Variants in FAT1 observed in about 807,000 individuals in gnomAD.
The protein encoded by FAT1 is FAT atypical cadherin 1.
In FAT1, 171 loss-of-function variants were observed where a neutral mutation model predicts 329.8. The observed-to-expected ratio is 0.52, with a 90% CI of 0.46 to 0.59. The LOEUF is 0.59. Among genes scored for constraint, FAT1 ranks in the 20% least tolerant of loss-of-function variants. The pLI is 0.00. For missense variants in FAT1, 5,672 were observed against 5,774.4 expected, an observed-to-expected ratio of 0.98 and a Z score of 0.57; for synonymous variants, 2,233 against 2,228.6, an observed-to-expected ratio of 1.00 and a Z score of -0.06.
intron 2 of FAT1, among the ~76,000 whole-genome samples, chr4:186,684,429 C>A (rs890825185): frequency 4.6e-5 from 7 of 152,112 alleles, no homozygotes; most frequent in Non-Finnish European, 8.8e-5. Flanking sequence ...GATTTCCTGT[C>A]GGCTCTCGTA....
chr4:186,600,286 C>T lies in FAT1; in HGVS notation c.11715G>A (p.Gln3905=), dbSNP rs751060039. The T allele has an allele frequency of 9.9e-6, 16 of 1,613,680 alleles. No homozygotes were observed. The African/African-American group carries it at 2.1e-4, about 22-fold the overall frequency. The change falls in exon 22 of 27, where the codon CAG becomes CAA. Residue 3905 remains glutamine, a synonymous_variant. Coordinates refer to ENST00000441802, the MANE Select transcript of FAT1 (RefSeq NM_005245.4). ...CTGCGTGCCACTGCCCATCATTGACCTGAATGCTCTGAACAGAGACAATTC... is the reference window on the plus strand; with the variant it reads ...CTGCGTGCCACTGCCCATCATTGACTTGAATGCTCTGAACAGAGACAATTC... ...GPGIVSVQSI[Q]VNDGQWHAVA... is the part of the protein sequence containing the mutation.
chr4:186,613,079 G>A (rs2126473840), intron 13 of FAT1, 30 bp downstream of exon 13: 2 of 1,494,628 alleles, frequency 1.3e-6, no homozygotes, highest in Non-Finnish European at 1.8e-6. Context: ...TCAGTGAGCA[G>A]CGTCAGGCAA....
chr4:186,665,435 C>T (rs1167063031), intron 2 of FAT1, among the ~76,000 whole-genome samples: 1 of 150,818 alleles, frequency 6.6e-6, no homozygotes, highest in Non-Finnish European at 1.5e-5. Context: ...TTGCATTTCT[C>T]TGATGGCCAG....
Position 186,618,440 on chromosome 4 carries a change from C to T in FAT1, c.8146G>A (p.Val2716Met), listed in dbSNP as rs377032665. 32 of 1,613,912 alleles carry T rather than the reference C, an allele frequency of 2.0e-5. No individual in the cohort carries two copies. In the African/African-American group the frequency reaches 2.0e-4, roughly 10 times the overall value. Reference protein sequence around the residue: ...PFYTFTVSEDVPIGTEIDLIR... With the variant: ...PFYTFTVSEDMPIGTEIDLIR... ...AGATCTATCTCTGTTCCAATAGGCA[C>T]GTCCTCTGACACTGTAAAGGTATAG... The change falls in exon 10 of 27, where the codon GTG becomes ATG. Residue 2716 changes from valine (V) to methionine (M), a missense_variant. This residue lies in a region of FAT1 where 3,966 missense variants were observed against 3,915.2 expected (regional missense o/e 1.01). Coordinates refer to ENST00000441802, the MANE Select transcript of FAT1 (RefSeq NM_005245.4).
At chr4:186,598,343 A>C (rs1738638937) in intron 22 of FAT1, among the ~76,000 whole-genome samples, 1 of 152,232 alleles carries the variant, frequency 6.6e-6, no homozygotes, top group African/African-American at 2.4e-5. Context: ...GCTTTAGTTC[A>C]TCATAATCTG....
At position 186,709,187 on chromosome 4, in the gene FAT1, T is replaced by C; in HGVS notation, c.641A>G (p.Glu214Gly). The C allele has an allele frequency of 1.2e-6, 2 of 1,614,020 alleles. No individual in the cohort carries two copies. Among genetic ancestry groups the C allele is most frequent in the South Asian group, 1.1e-5 (1 of 91,086 alleles). ...GATTTCCATCTCATAGAGCTTGGTC[T>C]CTAGGTAATCAAGTCTACCAGTTAA... ...IVLTGRLDYLETKLYEMEILA... is the reference protein window; with the variant it reads ...IVLTGRLDYLGTKLYEMEILA... Residue 214 changes from glutamate (E) to glycine (G), a missense_variant, in exon 2 of 27, where the codon GAG becomes GGG. Glu to Gly is a moderately conservative substitution (Grantham distance 98, BLOSUM62 -2). Coordinates refer to ENST00000441802, the MANE Select transcript of FAT1 (RefSeq NM_005245.4).
chr4:186,645,873 G>A (rs1196900921), intron 3 of FAT1, among the ~76,000 whole-genome samples: 1 of 149,606 alleles, frequency 6.7e-6, no homozygotes, highest in Non-Finnish European at 1.5e-5. Flanking sequence ...TTGGACCTGG[G>A]AAGCCGAGGT....
intron 3 of FAT1, among the ~76,000 whole-genome samples, chr4:186,646,962 T>A (rs1741415380): frequency 1.3e-5 from 2 of 152,156 alleles, no homozygotes; most frequent in Non-Finnish European, 2.9e-5. Context: ...TTTTTGCTTC[T>A]TTTTCCTAAG....
In FAT1 at chr4:186,603,594, C is replaced by T. The variant is rs145300656; in HGVS notation, c.10932G>A (p.Ala3644=). 98 of 1,613,990 alleles carry T rather than the reference C, an allele frequency of 6.1e-5. No homozygotes were observed. The Middle Eastern group carries it at 8.2e-4, about 14-fold the overall frequency. ...VTQEMLNHTI[A]IRFANLTPEE... ...CCGGAGTGAGGTTGGCAAAGCGGAT[C>T]GCGATGGTGTGGTTCAACATCTCCT... Residue 3644 remains alanine, a synonymous_variant, in exon 19 of 27, where the codon GCG becomes GCA. Coordinates refer to ENST00000441802, the MANE Select transcript of FAT1 (RefSeq NM_005245.4).
rs2126507215 is a variant in FAT1 at position 186,619,599 on chromosome 4, A to G, written c.6987T>C (p.Ser2329=). Residue 2329 remains serine (S), a synonymous_variant, in exon 10 of 27, where the codon AGT becomes AGC. Transcript: ENST00000441802. ...SYQMFGNHSK[S]HDHFHVDSST... is the part of the protein sequence containing the mutation. The stretch of plus-strand genomic sequence containing the variant: ...TGCTGTCTACATGAAAATGATCATG[A>G]CTCTTGCTGTGATTCCCAAACATCT... 6.2e-7 allele frequency: 1 copy of G among 1,613,666 alleles called. No individual in the cohort carries two copies. Among genetic ancestry groups the G allele is most frequent in the South Asian group, 1.1e-5 (1 of 91,064 alleles).
Position 186,595,830 on chromosome 4 carries a change from AAAGG to A in FAT1, c.13001-8_13001-5del, listed in dbSNP as rs765367010. ...GGATCAAGATCCACCACTTTTGCTAAAAGGAAGGATGACAAACAGTAAGTATATG... is the reference window on the plus strand; with the variant it reads ...GGATCAAGATCCACCACTTTTGCTAAAAGGATGACAAACAGTAAGTATATG... On this transcript the variant is annotated splice_polypyrimidine_tract_variant and splice_region_variant and intron_variant, in intron 25 of 26. Transcript: ENST00000441802. The A allele has an allele frequency of 5.6e-6, 9 of 1,613,760 alleles. No individual in the cohort carries two copies. In the African/African-American group the frequency reaches 9.3e-5, roughly 17 times the overall value.
intron 16 of FAT1, among the ~76,000 whole-genome samples, chr4:186,607,175 T>C (rs1308262305): frequency 6.6e-6 from 1 of 152,234 alleles, no homozygotes; most frequent in Non-Finnish European, 1.5e-5. Flanking sequence ...CCTTTAATCT[T>C]AGATACACCC....
chr4:186,685,202 G>T (rs1376924346), intron 2 of FAT1, among the ~76,000 whole-genome samples: 1 of 152,162 alleles, frequency 6.6e-6, no homozygotes, highest in Non-Finnish European at 1.5e-5. Context: ...AAAGGCAAAG[G>T]CTCTTCTCAC....
intron 2 of FAT1, among the ~76,000 whole-genome samples, chr4:186,684,529 C>T (rs186376065): frequency 5.9e-5 from 9 of 152,254 alleles, no homozygotes; most frequent in East Asian, 1.9e-4. Flanking sequence ...AACTGACGCT[C>T]GGCCCGTTTT....
chr4:186,689,933 T>C (rs1743673753), intron 2 of FAT1, among the ~76,000 whole-genome samples: 1 of 152,192 alleles, frequency 6.6e-6, no homozygotes, highest in Non-Finnish European at 1.5e-5. Context: ...TTAGAAGATC[T>C]CATACCTACT....
chr4:186,650,068 G>A (rs923048463), intron 3 of FAT1, among the ~76,000 whole-genome samples: 5 of 152,022 alleles, frequency 3.3e-5, no homozygotes, highest in East Asian at 1.9e-4. Flanking sequence ...CTCTACACAC[G>A]AGACAAAAAG....
intron 12 of FAT1, 99 bp from the exon 13 acceptor site, chr4:186,613,441 A>G: frequency 1.2e-6 from 1 of 860,684 alleles, no homozygotes; most frequent in Non-Finnish European, 1.9e-6. Context: ...ACTTAGTCTG[A>G]GTATTCACAG....
chr4:186,709,558 G>A lies in FAT1; in HGVS notation c.270C>T (p.Leu90=), dbSNP rs373265178. 8.7e-6 allele frequency: 14 copies of A among 1,613,822 alleles called. No individual in the cohort carries two copies. Among genetic ancestry groups the A allele is most frequent in the African/African-American group, 5.3e-5 (4 of 74,902 alleles). ...TTATTCTTAGAAAGCAAAAGTCTCCGAGAATGTACTCTTCAGCTTTGAACA... is the reference window on the plus strand; with the variant it reads ...TTATTCTTAGAAAGCAAAAGTCTCCAAGAATGTACTCTTCAGCTTTGAACA... ...ENLFKAEEYI[L]GDFCFLRIRT... is the part of the protein sequence containing the mutation. The change falls in exon 2 of 27, where the codon CTC becomes CTT. Residue 90 remains leucine (L), a synonymous_variant. Transcript: ENST00000441802.
At chr4:186,651,535 G>A (rs1166652304) in intron 3 of FAT1, among the ~76,000 whole-genome samples, 1 of 152,120 alleles carries the variant, frequency 6.6e-6, no homozygotes, top group Non-Finnish European at 1.5e-5. Context: ...TATCACGCCT[G>A]GTTCTGTGGT....
Sources: allele counts gnomAD v4.1 joint callset (sites outside exome capture counted in the v4.1 genomes callset), GRCh38; gene constraint gnomAD v4.1.1; regional missense constraint gnomAD v4.1.1; transcripts MANE v1.5; gene names NCBI Gene and HGNC (gene_info 2026-07-23, HGNC 2026-07-21).